The following LARGE1 variants were observed in gnomAD, a reference collection of about 807,000 sequenced individuals.
The protein encoded by LARGE1 is xylosyl- and glucuronyltransferase LARGE1.
Under a neutral mutation model 87.6 loss-of-function variants are expected in LARGE1, and 43 were observed. That is an observed-to-expected ratio of 0.49 (90% CI 0.38 to 0.63). The LOEUF (loss-of-function observed/expected upper bound fraction) is 0.63. LARGE1 is among the 30% of genes least tolerant of loss of function. The pLI, the probability that LARGE1 is intolerant of heterozygous loss-of-function variation, is 0.00. For missense variants in LARGE1, 802 were observed against 1,000.2 expected (o/e 0.80, Z 2.67); for synonymous variants, 434 against 394.6 (o/e 1.10, Z -1.18).
chr22:33,185,902 T>C (rs1337412774), intron 11 of LARGE1, among the ~76,000 whole-genome samples: 1 of 152,156 alleles, frequency 6.6e-6, no homozygotes, highest in Non-Finnish European at 1.5e-5. Flanking sequence ...AAGGGAATAT[T>C]ATAAAGAATT....
chr22:33,069,709 A>T, the LARGE1 span, among the ~76,000 whole-genome samples: 1 of 152,184 alleles, frequency 6.6e-6, no homozygotes, highest in African/African-American at 2.4e-5. Context: ...TATTTATTGA[A>T]TACATTGTAT....
At chr22:33,566,887 TC>T (rs1452054414) in intron 5 of LARGE1, among the ~76,000 whole-genome samples, 1 of 152,166 alleles carries the variant, frequency 6.6e-6, no homozygotes, top group African/African-American at 2.4e-5. Context: ...ATAAAAGTTC[TC>T]CAAGTCCCCA....
intron 1 of LARGE1, among the ~76,000 whole-genome samples, chr22:33,897,746 C>T (rs116612063): frequency 4.5e-4 from 68 of 152,324 alleles, no homozygotes; most frequent in African/African-American, 1.6e-3. Context: ...ACATTAAGCA[C>T]AATAAATCAC....
upstream of LARGE1, among the ~76,000 whole-genome samples, chr22:33,921,738 A>G (rs1321619802): frequency 6.6e-6 from 1 of 152,050 alleles, no homozygotes; most frequent in Non-Finnish European, 1.5e-5. The surrounding 1 kb of genome is among the most constrained non-coding windows in gnomAD (Gnocchi z 4.1). Context: ...CCCTCTTGGC[A>G]TAAGAACCCG....
the LARGE1 span, among the ~76,000 whole-genome samples, chr22:33,071,129 C>A: frequency 0.011 from 1,616 of 152,316 alleles, 24 homozygotes; most frequent in African/African-American, 0.033. Context: ...CAGCCTCTGA[C>A]AAATCCTGCA....
intron 6 of LARGE1, among the ~76,000 whole-genome samples, chr22:33,438,798 C>A (rs1242951647): frequency 6.6e-6 from 1 of 152,196 alleles, no homozygotes; most frequent in East Asian, 1.9e-4. Context: ...AGGATTCTAG[C>A]CCCACCTGTG....
intron 6 of LARGE1, chr22:33,563,278 C>G (rs543017393): frequency 1.2e-4 from 18 of 152,368 alleles, no homozygotes; most frequent in African/African-American, 4.1e-4. Context: ...TGAGACAGAG[C>G]ACAATTAGGA....
At chr22:33,177,925 A>G (rs1023855029) in intron 11 of LARGE1, among the ~76,000 whole-genome samples, 1 of 152,148 alleles carries the variant, frequency 6.6e-6, no homozygotes, top group Non-Finnish European at 1.5e-5. Flanking sequence ...CTGTGCTTGA[A>G]AAGTGTGTGG....
At chr22:33,166,639 G>T (rs1022599066) in exon 12 of LARGE1, 1 of 420,238 alleles carries the variant, frequency 2.4e-6, no homozygotes, top group Middle Eastern at 3.8e-4. Context: ...ATCTTACCGT[G>T]AGGATGTTCA....
chr22:33,591,962 G>T (rs1229964855), intron 5 of LARGE1, among the ~76,000 whole-genome samples: 3 of 150,726 alleles, frequency 2.0e-5, no homozygotes, highest in African/African-American at 7.3e-5. Flanking sequence ...GGTATTTGAG[G>T]CTGCAGTGAG....
chr22:33,589,054 C>T (rs1341052681), intron 5 of LARGE1, among the ~76,000 whole-genome samples: 5 of 152,206 alleles, frequency 3.3e-5, no homozygotes, highest in Non-Finnish European at 1.5e-5. Context: ...TGCTTCCAGG[C>T]AAACACAACA....
At chr22:33,764,430 T>A (rs905144152) in intron 1 of LARGE1, among the ~76,000 whole-genome samples, 4 of 152,022 alleles carry the variant, frequency 2.6e-5, no homozygotes, top group Non-Finnish European at 5.9e-5. Flanking sequence ...CCTATATACT[T>A]TACTCAAAAT....
the LARGE1 span, among the ~76,000 whole-genome samples, chr22:33,123,326 T>C: frequency 6.6e-6 from 1 of 152,194 alleles, no homozygotes; most frequent in Non-Finnish European, 1.5e-5. Context: ...CCAAATTTGT[T>C]GATTCCCCAA....
At chr22:33,496,098 T>G (rs1157618265) in intron 6 of LARGE1, among the ~76,000 whole-genome samples, 1 of 151,760 alleles carries the variant, frequency 6.6e-6, no homozygotes, top group African/African-American at 2.4e-5. Context: ...GAACTTGGAG[T>G]CCAATGTTGG....
At chr22:33,106,812 A>G in the LARGE1 span, among the ~76,000 whole-genome samples, 1 of 152,218 alleles carries the variant, frequency 6.6e-6, no homozygotes, top group African/African-American at 2.4e-5. Context: ...TTACTTTTAA[A>G]TAGCAAAAAC....
intron 7 of LARGE1, among the ~76,000 whole-genome samples, chr22:33,410,001 T>C (rs1197423031): frequency 6.6e-6 from 1 of 151,986 alleles, no homozygotes; most frequent in Non-Finnish European, 1.5e-5. Flanking sequence ...AGTGGCTACA[T>C]TACAAATGGT....
chr22:33,288,936 A>G lies in LARGE1; in HGVS notation c.1731-5588T>C, dbSNP rs368131409. 8.0e-4 allele frequency among the ~76,000 whole-genome samples: 122 copies of G among 151,902 alleles called. 3 individuals carry two copies. In the South Asian group the frequency reaches 0.025, roughly 31 times the overall value. On this transcript the variant is annotated intron_variant, in intron 12 of 14. Transcript: ENST00000397394. ...AACATTCACAAACCTACTATAGTATATTGGATCAAGGAATTATTATTATTA... is the reference window on the plus strand; with the variant it reads ...AACATTCACAAACCTACTATAGTATGTTGGATCAAGGAATTATTATTATTA...
intron 11 of LARGE1, among the ~76,000 whole-genome samples, chr22:33,247,183 C>T (rs1375657659): frequency 6.7e-6 from 1 of 149,904 alleles, no homozygotes; most frequent in African/African-American, 2.5e-5. Context: ...AAAACAAAAC[C>T]AAAATGTTCT....
intron 9 of LARGE1, among the ~76,000 whole-genome samples, chr22:33,367,434 T>G (rs1386247880): frequency 6.6e-6 from 1 of 152,206 alleles, no homozygotes; most frequent in African/African-American, 2.4e-5. Flanking sequence ...GTTTTGTTTT[T>G]AGAGACAGGG....
Sources: allele counts gnomAD v4.1 joint callset (sites outside exome capture counted in the v4.1 genomes callset), GRCh38; gene constraint gnomAD v4.1.1; non-coding constraint Gnocchi (gnomAD v3.1); transcripts MANE v1.5; gene names NCBI Gene and HGNC (gene_info 2026-07-23, HGNC 2026-07-21).